The following TNC variants were observed in gnomAD, a reference collection of about 807,000 sequenced individuals.
The protein encoded by TNC is tenascin.
TNC carries 109 observed loss-of-function variants against 202.4 expected under a neutral mutation model. The observed-to-expected ratio is 0.54, with a 90% CI of 0.46 to 0.63. The LOEUF is 0.63. Ranked by LOEUF, TNC falls within the 30% of genes least tolerant of loss-of-function variation. The pLI, the probability that TNC is intolerant of heterozygous loss-of-function variation, is 0.00. For synonymous variants in TNC, 1,007 were observed against 1,089.7 expected (o/e 0.92, Z 1.50); for missense variants, 2,756 against 2,833.3 (o/e 0.97, Z 0.62).
chr9:115,102,109 G>C (rs1035940211), intron 1 of TNC, among the ~76,000 whole-genome samples: 37 of 152,132 alleles, frequency 2.4e-4, no homozygotes, highest in African/African-American at 8.9e-4. Context: ...CTGAGGCATA[G>C]AGTCTTTACA....
At position 115,057,265 on chromosome 9, in the gene TNC, A is replaced by G. The variant is rs1448576497; in HGVS notation, c.4467T>C (p.Ala1489=). The part of the protein sequence containing the change: ...LETVEYNISG[A]ERTAHISGLP... ...GCCCTGAGATATGGGCAGTTCGTTC[A>G]GCACCAGAGATATTATATTCCACAG... Residue 1489 remains alanine, a synonymous_variant, in exon 15 of 28, where the codon GCT becomes GCC. Transcript: ENST00000350763. 2 of 1,614,214 alleles carry G rather than the reference A, an allele frequency of 1.2e-6. No individual in the cohort carries two copies. The highest frequency in any genetic ancestry group is 1.7e-6 in the Non-Finnish European group (2 of 1,180,034).
At chr9:115,109,684 A>C (rs1355110074) in intron 1 of TNC, among the ~76,000 whole-genome samples, 3 of 152,184 alleles carry the variant, frequency 2.0e-5, no homozygotes, top group Non-Finnish European at 4.4e-5. Context: ...AATCCAAAGC[A>C]ATTTGTGTTT....
chr9:115,098,000 C>T (rs913875810), intron 1 of TNC, among the ~76,000 whole-genome samples: 10 of 152,112 alleles, frequency 6.6e-5, no homozygotes, highest in Non-Finnish European at 1.5e-4. Flanking sequence ...AGAATATAGG[C>T]TTTAATATTT....
At chr9:115,045,197 C>A (rs990988530) in intron 17 of TNC, among the ~76,000 whole-genome samples, 2 of 152,148 alleles carry the variant, frequency 1.3e-5, no homozygotes, top group African/African-American at 4.8e-5. Flanking sequence ...GTGGTTCTGT[C>A]CCCTGGTTCC....
intron 25 of TNC, 143 bp downstream of exon 25, chr9:115,029,217 A>T: frequency 1.5e-6 from 1 of 678,610 alleles, no homozygotes; most frequent in Non-Finnish European, 2.6e-6. Context: ...CTTTTTCATT[A>T]AGAATTTGAC....
intron 11 of TNC, 60 bp downstream of exon 11, chr9:115,064,587 A>T: frequency 6.5e-7 from 1 of 1,533,158 alleles, no homozygotes; most frequent in Non-Finnish European, 8.8e-7. Flanking sequence ...GTGTCTGATT[A>T]TTCATGGGCA....
chr9:115,097,074 T>C (rs938711883), intron 1 of TNC, among the ~76,000 whole-genome samples: 3 of 152,222 alleles, frequency 2.0e-5, no homozygotes, highest in East Asian at 3.8e-4. Flanking sequence ...ACTCAGTCCA[T>C]ATCCTTCAGC....
rs567145657 is a variant in TNC, at chr9:115,030,303, T to G, written c.6023A>C (p.Glu2008Ala). Residue 2008 changes from glutamate (E) to alanine (A), a missense_variant, in exon 24 of 28, where the codon GAG (glutamate) becomes GCG (alanine). Physicochemically the swap from Glu to Ala is moderately radical, Grantham distance 107. Coordinates refer to ENST00000350763, the MANE Select transcript of TNC (RefSeq NM_002160.4). ...CATGTCACAGAAGACTTCCAGCGCCTCAGCCTTATCACCATTCAGATAAAT... is the reference window on the plus strand; with the variant it reads ...CATGTCACAGAAGACTTCCAGCGCCGCAGCCTTATCACCATTCAGATAAAT... The part of the protein sequence containing the change: ...YTIYLNGDKA[E>A]ALEVFCDMTS... 1 of 1,613,782 alleles carries G rather than the reference T, an allele frequency of 6.2e-7. No homozygotes were observed. Among genetic ancestry groups the G allele is most frequent in the South Asian group, 1.1e-5 (1 of 91,050 alleles).
In TNC at chr9:115,062,806, G is replaced by A. The variant is rs17241442; in HGVS notation, c.4033+111C>T. 148,597 of 1,251,982 alleles carry A rather than the reference G, an allele frequency of 0.12. 9,644 individuals carry two copies. Among genetic ancestry groups the A allele is most frequent in the Middle Eastern group, 0.21 (748 of 3,560 alleles). 77.6% of individuals were successfully genotyped at this position (1,251,982 alleles called of 1,614,324 possible). A position where few individuals can be genotyped will look rare whatever the true frequency, so the allele number is the denominator to read the frequency against. On this transcript the variant is annotated intron_variant, in intron 13 of 27. Transcript: ENST00000350763. ...AGACCTTCCTGAGTTAGAGATTCAC[G>A]CTGTCTGTCAACAACATTGGGGTAG...
Position 115,087,022 on chromosome 9 carries a change from T to G in TNC, c.709A>C (p.Ile237Leu), listed in dbSNP as rs967525136. The part of the protein sequence containing the change: ...DQGKCVNGVC[I>L]CFEGYAGADC... ...GCCCCGGCGTAGCCTTCGAAACAGA[T>G]GCAGACTCCATTTACGCACTTGCCC... Residue 237 changes from isoleucine to leucine, a missense_variant, in exon 3 of 28, where the codon ATC (isoleucine) becomes CTC (leucine). Transcript: ENST00000350763. The G allele has an allele frequency of 6.2e-6, 10 of 1,613,348 alleles. No homozygotes were observed. The highest frequency in any genetic ancestry group is 2.5e-6 in the Non-Finnish European group (3 of 1,179,502).
chr9:115,077,820 T>G, intron 7 of TNC, 123 bp downstream of exon 7: 1 of 1,009,918 alleles, frequency 9.9e-7, no homozygotes, highest in Non-Finnish European at 1.4e-6. Flanking sequence ...TTTACAGGAG[T>G]AGAAATACCC....
At chr9:115,058,729 T>C (rs1832317092) in intron 14 of TNC, among the ~76,000 whole-genome samples, 1 of 152,182 alleles carries the variant, frequency 6.6e-6, no homozygotes, top group Non-Finnish European at 1.5e-5. Flanking sequence ...TTAGTTGCAA[T>C]AATTATTTAA....
chr9:115,098,229 C>T (rs10817712), intron 1 of TNC, among the ~76,000 whole-genome samples: 22,917 of 152,094 alleles, frequency 0.15, 1,806 homozygotes, highest in African/African-American at 0.2. Context: ...TTATTCAGAG[C>T]ATTACTGTGA....
At chr9:115,077,882 T>C in intron 7 of TNC, 61 bp downstream of exon 7, 1 of 1,532,962 alleles carries the variant, frequency 6.5e-7, no homozygotes, top group South Asian at 1.2e-5. Flanking sequence ...CAACATGGAG[T>C]GGGATGGAAA....
chr9:115,099,001 C>A (rs1836012473), intron 1 of TNC, among the ~76,000 whole-genome samples: 2 of 137,752 alleles, frequency 1.5e-5, no homozygotes, highest in East Asian at 4.2e-4. Flanking sequence ...TCCGGTGCAA[C>A]CTGTGTCATA....
Position 115,036,098 on chromosome 9 carries a change from C to T in TNC, c.5656G>A (p.Asp1886Asn). Residue 1886 changes from aspartate to asparagine, a missense_variant and splice_region_variant, in exon 21 of 28, where the codon GAC (aspartate) becomes AAC (asparagine). Asp to Asn is a conservative substitution (Grantham distance 23). This residue lies in a region of TNC where 2,559 missense variants were observed against 2,546.0 expected (regional missense o/e 1.01). Coordinates refer to ENST00000350763, the MANE Select transcript of TNC (RefSeq NM_002160.4). ...SSTITAKFTT[D>N]LDSPRDLTAT... Reference sequence around the variant, plus strand: ...CTTCCAGCTCTCAGTGTCTTTGTACCTGTTGTGAACTTGGCAGTGATGGTT... The same window carrying T: ...CTTCCAGCTCTCAGTGTCTTTGTACTTGTTGTGAACTTGGCAGTGATGGTT... 4 of 1,614,138 alleles carry T rather than the reference C, an allele frequency of 2.5e-6. No individual in the cohort carries two copies. Among genetic ancestry groups the T allele is most frequent in the Non-Finnish European group, 3.4e-6 (4 of 1,180,006 alleles).
intron 9 of TNC, among the ~76,000 whole-genome samples, chr9:115,074,464 G>T (rs1018062591): frequency 3.3e-5 from 5 of 152,234 alleles, no homozygotes; most frequent in African/African-American, 1.2e-4. Context: ...CTGGCATCTT[G>T]ATCTTGGACT....
At position 115,038,255 on chromosome 9, in the gene TNC, C is replaced by G. The variant is rs749222152; in HGVS notation, c.5512+6G>C. The stretch of plus-strand genomic sequence containing the variant: ...AGAGTGAGGAGAGACTTGGACAAAA[C>G]CTTACCTTTCTCGCCTGTGTAGGAG... On this transcript the variant is annotated splice_donor_region_variant and intron_variant, in intron 20 of 27. Transcript: ENST00000350763. 1 of 1,613,170 alleles carries G rather than the reference C, an allele frequency of 6.2e-7. No individual in the cohort carries two copies. Among genetic ancestry groups the G allele is most frequent in the Non-Finnish European group, 8.5e-7 (1 of 1,179,408 alleles).
intron 18 of TNC, 58 bp from the exon 19 acceptor site, chr9:115,041,142 G>A (rs1197300728): frequency 2.0e-6 from 3 of 1,532,628 alleles, no homozygotes; most frequent in African/African-American, 1.4e-5. Context: ...CTTATTCACT[G>A]TTGCCCCCAA....
Sources: gnomAD v4.1 joint callset for allele counts (sites outside exome capture counted in the v4.1 genomes callset) on GRCh38, gnomAD v4.1.1 for gene constraint, gnomAD v4.1.1 regional missense constraint, MANE v1.5 for transcripts, NCBI Gene and HGNC (gene_info 2026-07-23, HGNC 2026-07-21) for gene names.